CFAP99: variants seen among roughly 807,000 people sequenced by gnomAD.
The protein encoded by CFAP99 is cilia and flagella associated protein 99, also known as cilia- and flagella-associated protein 99.
CFAP99 carries 84 observed loss-of-function variants against 82.7 expected under a neutral mutation model. That is an observed-to-expected ratio of 1.02 (90% CI 0.85 to 1.22). CFAP99 has a LOEUF of 1.22. Ranked by LOEUF, CFAP99 falls within the 50% of genes most tolerant of loss-of-function variation. The pLI is 0.00. For synonymous variants in CFAP99, 456 were observed against 429.5 expected (o/e 1.06, Z -0.76); for missense variants, 1,059 against 983.5 (o/e 1.08, Z -1.03).
At chr4:2,425,322 G>A (rs1407115181) in intron 1 of CFAP99, among the ~76,000 whole-genome samples, 5 of 152,252 alleles carry the variant, frequency 3.3e-5, no homozygotes, top group African/African-American at 7.2e-5. Flanking sequence ...TCTGAGTCTT[G>A]GCCAGGGAGA....
intron 2 of CFAP99, among the ~76,000 whole-genome samples, chr4:2,435,400 T>G (rs1338326242): frequency 6.6e-6 from 1 of 151,914 alleles, no homozygotes; most frequent in African/African-American, 2.4e-5. Context: ...CCCAAAAATA[T>G]TTTATACAAA....
rs1165024529 is a variant in CFAP99 at position 2,445,122 on chromosome 4, GC to G, written c.465-7del. 7.4e-7 allele frequency: 1 copy of G among 1,344,394 alleles called. No individual in the cohort carries two copies. The highest frequency in any genetic ancestry group is 1.5e-5 in the African/African-American group (1 of 65,884). 83.3% of individuals were successfully genotyped at this position (1,344,394 alleles called of 1,614,324 possible). A position where few individuals can be genotyped will look rare whatever the true frequency, so the allele number is the denominator to read the frequency against. On this transcript the variant is annotated splice_region_variant and splice_polypyrimidine_tract_variant and intron_variant, in intron 5 of 14. Transcript: ENST00000635017. ...GACCATAAGAGGTGTTTCCACTTTT[GC>G]CTTCAAGATGGCAGCCAGAGGTCCA...
rs539285717 is a variant in CFAP99, at chr4:2,442,425, G to A, written c.352-705G>A. ...TCCTCTGCATGGAGAAGAGAAGGGCGTGGAGGCCCGAGGGGAGGCTGCTGG... is the reference window on the plus strand; with the variant it reads ...TCCTCTGCATGGAGAAGAGAAGGGCATGGAGGCCCGAGGGGAGGCTGCTGG... On this transcript the variant is annotated intron_variant, in intron 4 of 14. Transcript: ENST00000635017. Among the ~76,000 whole-genome samples the A allele has an allele frequency of 2.1e-4, 32 of 152,224 alleles. No individual in the cohort carries two copies. The South Asian group carries it at 4.8e-3, about 23-fold the overall frequency.
chr4:2,462,974 G>A (rs1258814266), downstream of CFAP99: 7 of 1,055,892 alleles, frequency 6.6e-6, no homozygotes, highest in South Asian at 7.6e-5. The surrounding 1 kb of genome is among the most constrained non-coding windows in gnomAD (Gnocchi z 4.1). Context: ...CCCTACACCC[G>A]CCGCCCCAAT....
intron 8 of CFAP99, 94 bp downstream of exon 8, chr4:2,450,099 G>A: frequency 1.6e-6 from 2 of 1,284,554 alleles, no homozygotes; most frequent in Non-Finnish European, 1.1e-6. Context: ...GACCACTTAT[G>A]TAGCCTTTTC....
intron 2 of CFAP99, among the ~76,000 whole-genome samples, chr4:2,429,439 G>A (rs1257057733): frequency 6.6e-6 from 1 of 152,206 alleles, no homozygotes; most frequent in Non-Finnish European, 1.5e-5. Flanking sequence ...TTTCCACGGG[G>A]AGCCTGGCAC....
intron 4 of CFAP99, among the ~76,000 whole-genome samples, chr4:2,439,580 G>T (rs1325737646): frequency 2.0e-5 from 3 of 152,204 alleles, no homozygotes; most frequent in Non-Finnish European, 4.4e-5. Flanking sequence ...GTGCAGCCCC[G>T]AGCCAGCACT....
At chr4:2,449,427 C>T (rs1646809519) in intron 6 of CFAP99, among the ~76,000 whole-genome samples, 1 of 151,712 alleles carries the variant, frequency 6.6e-6, no homozygotes. Flanking sequence ...TTACCCCACC[C>T]ACCCCATCCC....
chr4:2,435,178 G>A (rs1391427872), intron 2 of CFAP99, among the ~76,000 whole-genome samples: 1 of 151,870 alleles, frequency 6.6e-6, no homozygotes, highest in East Asian at 1.9e-4. Flanking sequence ...GGAGCCTGTA[G>A]TCCCAGCTGT....
intron 1 of CFAP99, among the ~76,000 whole-genome samples, chr4:2,423,486 G>A (rs1733623838): frequency 6.6e-6 from 1 of 152,248 alleles, no homozygotes; most frequent in South Asian, 2.1e-4. Flanking sequence ...CCACGCCAGA[G>A]ACTCAGCTAG....
At chr4:2,432,670 A>G (rs1733822380) in intron 2 of CFAP99, among the ~76,000 whole-genome samples, 1 of 152,186 alleles carries the variant, frequency 6.6e-6, no homozygotes, top group African/African-American at 2.4e-5. Flanking sequence ...AAACCCCTGC[A>G]GCAGTCTCTA....
At position 2,447,146 on chromosome 4, in the gene CFAP99, A is replaced by G. The variant is rs532904120; in HGVS notation, c.642+1838A>G. ...AATGGATGGATGGATAGATGATCAG[A>G]TGGGTAGATGGATGAGCAGATGGGT... On this transcript the variant is annotated intron_variant, in intron 6 of 14. Coordinates refer to ENST00000635017, the Ensembl canonical transcript of CFAP99. 2.3e-3 allele frequency among the ~76,000 whole-genome samples: 340 copies of G among 149,236 alleles called. 1 individual carries two copies. Among genetic ancestry groups the G allele is most frequent in the African/African-American group, 7.2e-3 (292 of 40,468 alleles).
chr4:2,452,170 G>T, exon 11 of CFAP99: 2 of 1,536,178 alleles, frequency 1.3e-6, no homozygotes, highest in Non-Finnish European at 1.7e-6. Context: ...TGGGGCTGGG[G>T]ACTTCTCTGA....
At chr4:2,441,141 T>C (rs1030349690) in intron 4 of CFAP99, among the ~76,000 whole-genome samples, 2 of 151,580 alleles carry the variant, frequency 1.3e-5, no homozygotes, top group Non-Finnish European at 2.9e-5. Context: ...GAGGCCGAAG[T>C]GGGTGTATCC....
intron 1 of CFAP99, among the ~76,000 whole-genome samples, chr4:2,419,999 G>T (rs1378356467): frequency 1.3e-5 from 2 of 151,988 alleles, no homozygotes; most frequent in African/African-American, 2.4e-5. Context: ...GATGATCGGG[G>T]TCAGCGCTCA....
chr4:2,427,686 T>G (rs1733714422), intron 2 of CFAP99: 1 of 152,684 alleles, frequency 6.5e-6, no homozygotes, highest in Non-Finnish European at 1.5e-5. Context: ...TCTCACTACC[T>G]GCTCAGGTGC....
intron 2 of CFAP99, among the ~76,000 whole-genome samples, chr4:2,436,102 T>C (rs1578468959): frequency 6.9e-6 from 1 of 144,626 alleles, no homozygotes; most frequent in East Asian, 2.0e-4. Context: ...AAAATCTATA[T>C]ATATGTATAT....
chr4:2,459,962 AG>A, intron 13 of CFAP99, 74 bp from the exon 14 acceptor site: 1 of 1,366,670 alleles, frequency 7.3e-7, no homozygotes, highest in Non-Finnish European at 1.0e-6. Flanking sequence ...CCTATGGAAC[AG>A]GGGAGGGATC....
chr4:2,448,301 C>T lies in CFAP99; in HGVS notation c.643-1369C>T, dbSNP rs1338320114. On this transcript the variant is annotated intron_variant, in intron 6 of 14. Transcript: ENST00000635017. This position sits in a 1 kb window ranked among gnomAD's most constrained non-coding sequence, Gnocchi z 5.2. ...CTGTCTCTGCCAAGCACAGCCCCTG[C>T]CTGGGCCCTCACCATGTCCTCCCAT... is the stretch of plus-strand genomic sequence containing the variant. Among the ~76,000 whole-genome samples, 1 of 152,196 alleles carries T rather than the reference C, an allele frequency of 6.6e-6. No homozygotes were observed. Among genetic ancestry groups the T allele is most frequent in the Non-Finnish European group, 1.5e-5 (1 of 68,032 alleles).
Sources: allele counts gnomAD v4.1 joint callset (sites outside exome capture counted in the v4.1 genomes callset), GRCh38; gene constraint gnomAD v4.1.1; non-coding constraint Gnocchi (gnomAD v3.1); transcripts MANE v1.5; gene names NCBI Gene and HGNC (gene_info 2026-07-23, HGNC 2026-07-21).